Variants in TENM1 observed in about 807,000 individuals in gnomAD.
TENM1 encodes the protein teneurin transmembrane protein 1.
Under a neutral mutation model 174.8 loss-of-function variants are expected in TENM1, and 35 were observed. That is an observed-to-expected ratio of 0.20 (90% CI 0.15 to 0.27). TENM1 has a LOEUF of 0.27. Ranked by LOEUF, TENM1 falls within the 10% of genes least tolerant of loss-of-function variation. The probability of loss-of-function intolerance (pLI) is 1.00; values close to 1 mark genes in which losing one functional copy is unlikely to be tolerated. For missense variants in TENM1, 1,633 were observed against 2,130.1 expected, an observed-to-expected ratio of 0.77 and a Z score of 4.59; for synonymous variants, 781 against 798.7, an observed-to-expected ratio of 0.98 and a Z score of 0.37.
exon 4 of TENM1, chrX:124,737,010 T>A: frequency 8.3e-7 from 1 of 1,211,660 alleles, no homozygotes; most frequent in Non-Finnish European, 1.1e-6. Context: ...GCAGATGGAC[T>A]GAATCCTGCG....
At chrX:124,873,305 C>A (rs1333879654) in intron 3 of TENM1, among the ~76,000 whole-genome samples, 1 of 111,520 alleles carries the variant, frequency 9.0e-6, no homozygotes, top group East Asian at 2.8e-4. Flanking sequence ...CAAAATTATT[C>A]ATTTATTGTG....
the TENM1 span, among the ~76,000 whole-genome samples, chrX:125,082,103 T>C: frequency 9.0e-6 from 1 of 110,619 alleles, no homozygotes; most frequent in Non-Finnish European, 1.9e-5. Flanking sequence ...ACATAATCTA[T>C]GCATGTAACA....
chrX:124,443,384 G>A (rs945983050), intron 23 of TENM1, among the ~76,000 whole-genome samples: 4 of 111,272 alleles, frequency 3.6e-5, no homozygotes, highest in Admixed American at 9.6e-5. Context: ...GGAGAATGAC[G>A]ACAGAGAATA....
chrX:125,202,831 G>T, the TENM1 span, among the ~76,000 whole-genome samples: 25 of 112,315 alleles, frequency 2.2e-4, no homozygotes, highest in African/African-American at 7.8e-4. Flanking sequence ...CCCCTTCTCC[G>T]CCTCTAGGCA....
chrX:124,694,087 C>T (rs187557064), intron 5 of TENM1, among the ~76,000 whole-genome samples: 1 of 111,556 alleles, frequency 9.0e-6, no homozygotes, highest in Non-Finnish European at 1.9e-5. Flanking sequence ...ACCACCAAGC[C>T]TCCAAAGGAC....
intron 22 of TENM1, among the ~76,000 whole-genome samples, chrX:124,473,754 T>C (rs2061360060): frequency 9.0e-6 from 1 of 110,957 alleles, no homozygotes; most frequent in Admixed American, 9.6e-5. Context: ...CAGGCCCCCA[T>C]AAAGTGTTTT....
At chrX:124,433,986 C>G (rs963800951) in intron 23 of TENM1, among the ~76,000 whole-genome samples, 2 of 111,673 alleles carry the variant, frequency 1.8e-5, no homozygotes, top group African/African-American at 6.5e-5. Flanking sequence ...CCATTTTGGT[C>G]TGGGGAGTCT....
chrX:124,682,802 A>T (rs997642744), intron 5 of TENM1, among the ~76,000 whole-genome samples: 23 of 111,260 alleles, frequency 2.1e-4, no homozygotes, highest in African/African-American at 6.9e-4. Context: ...AGTGCTACTC[A>T]AAATTGTCAA....
At chrX:124,799,376 TG>T (rs1489774557) in intron 3 of TENM1, among the ~76,000 whole-genome samples, 1 of 111,161 alleles carries the variant, frequency 9.0e-6, no homozygotes, top group African/African-American at 3.3e-5. Context: ...CCTTGAGTAG[TG>T]GTCTGTGGTT....
At chrX:124,917,613 G>T (rs867898016) in intron 1 of TENM1, among the ~76,000 whole-genome samples, 9 of 111,932 alleles carry the variant, frequency 8.0e-5, no homozygotes, top group African/African-American at 2.9e-4. Context: ...CTATTGAACT[G>T]AATTGAGTTG....
chrX:124,631,888 C>CA (rs1207149583), intron 11 of TENM1, among the ~76,000 whole-genome samples: 2,502 of 29,187 alleles, frequency 0.086, 129 homozygotes, highest in African/African-American at 0.14. Context: ...GACTCTGTCT[C>CA]AAAAAAAAAA....
At chrX:125,066,157 G>T in the TENM1 span, among the ~76,000 whole-genome samples, 1 of 111,965 alleles carries the variant, frequency 8.9e-6, no homozygotes, top group Non-Finnish European at 1.9e-5. Flanking sequence ...GGGCAAACTG[G>T]TAGGAAGCTG....
At chrX:124,536,884 T>TA (rs1337807447) in intron 15 of TENM1, among the ~76,000 whole-genome samples, 2 of 112,047 alleles carry the variant, frequency 1.8e-5, no homozygotes, top group African/African-American at 6.5e-5. Flanking sequence ...ATCAGCCTTA[T>TA]AGGGTTTTGT....
intron 3 of TENM1, among the ~76,000 whole-genome samples, chrX:124,890,802 C>A (rs1418320454): frequency 1.8e-5 from 2 of 111,180 alleles, no homozygotes; most frequent in African/African-American, 6.5e-5. Flanking sequence ...ATAGAACTAC[C>A]ATATGCTCTA....
At chrX:124,644,204 C>CAT (rs1489841676) in intron 10 of TENM1, among the ~76,000 whole-genome samples, 1 of 98,186 alleles carries the variant, frequency 1.0e-5, no homozygotes, top group African/African-American at 3.9e-5. Flanking sequence ...TATAAATTTA[C>CAT]ATATACATAT....
At chrX:124,525,738 G>T (rs2047960071) in intron 16 of TENM1, among the ~76,000 whole-genome samples, 1 of 111,753 alleles carries the variant, frequency 8.9e-6, no homozygotes, top group African/African-American at 3.3e-5. Flanking sequence ...TGCCCTGTTA[G>T]CTTTGTGTCT....
At chrX:125,007,162 C>T in the TENM1 span, among the ~76,000 whole-genome samples, 1,624 of 111,006 alleles carry the variant, frequency 0.015, 38 homozygotes, top group African/African-American at 0.049. Flanking sequence ...ACTAGAAAAA[C>T]CAGTTTAGAG....
intron 18 of TENM1, among the ~76,000 whole-genome samples, chrX:124,519,210 C>G (rs768565149): frequency 3.6e-5 from 4 of 111,546 alleles, no homozygotes; most frequent in Non-Finnish European, 5.6e-5. Flanking sequence ...GGTTTTGAGT[C>G]CTGCTTGTGA....
intron 20 of TENM1, among the ~76,000 whole-genome samples, chrX:124,490,797 T>A (rs973499204): frequency 5.4e-5 from 6 of 112,008 alleles, no homozygotes; most frequent in African/African-American, 1.9e-4. Context: ...AGTTTTCTAA[T>A]AGAGTTGTGA....
Sources: gnomAD v4.1 joint callset for allele counts (sites outside exome capture counted in the v4.1 genomes callset) on GRCh38, gnomAD v4.1.1 for gene constraint, MANE v1.5 for transcripts, NCBI Gene and HGNC (gene_info 2026-07-23, HGNC 2026-07-21) for gene names.